ASIC2: variants seen among roughly 807,000 people sequenced by gnomAD.
ASIC2 encodes acid sensing ion channel subunit 2.
Under a neutral mutation model 57.3 loss-of-function variants are expected in ASIC2, and 25 were observed. The observed-to-expected ratio is 0.44, with a 90% confidence interval of 0.32 to 0.61. ASIC2 has a LOEUF of 0.61. Ranked by LOEUF, ASIC2 falls within the 20% of genes least tolerant of loss-of-function variation. The pLI is 0.06. For missense variants in ASIC2, 641 were observed against 738.1 expected, an observed-to-expected ratio of 0.87 and a Z score of 1.52; for synonymous variants, 319 against 307.5, an observed-to-expected ratio of 1.04 and a Z score of -0.39.
intron 1 of ASIC2, among the ~76,000 whole-genome samples, chr17:33,863,900 G>GTTT (rs1031021531): frequency 4.4e-4 from 32 of 72,484 alleles, no homozygotes; most frequent in Admixed American, 3.8e-3. Flanking sequence ...CTCTTTTTTT[G>GTTT]TTTTTTTTTT....
chr17:33,196,836 C>T (rs1422234030), intron 1 of ASIC2, among the ~76,000 whole-genome samples: 7 of 152,148 alleles, frequency 4.6e-5, no homozygotes, highest in African/African-American at 1.7e-4. Context: ...CTGACACCAC[C>T]AAGGGCTCCT....
intron 1 of ASIC2, among the ~76,000 whole-genome samples, chr17:33,427,011 T>C (rs568374132): frequency 7.7e-4 from 117 of 152,240 alleles, no homozygotes; most frequent in African/African-American, 2.7e-3. Context: ...GGGAAAAGAT[T>C]TGTATACTTG....
intron 3 of ASIC2, among the ~76,000 whole-genome samples, chr17:33,037,389 CTTTTTT>C (rs35286664): frequency 8.9e-5 from 11 of 123,822 alleles, no homozygotes; most frequent in Middle Eastern, 4.2e-3. Context: ...ACTTCCCCCT[CTTTTTT>C]TTTTTTTTTT....
At chr17:33,869,108 T>C (rs1914322318) in intron 1 of ASIC2, among the ~76,000 whole-genome samples, 1 of 152,062 alleles carries the variant, frequency 6.6e-6, no homozygotes, top group South Asian at 2.1e-4. Context: ...TATGAATAGA[T>C]AATCCTCCAA....
chr17:33,829,579 CT>C (rs34205959), intron 1 of ASIC2, among the ~76,000 whole-genome samples: 16,620 of 138,772 alleles, frequency 0.12, 879 homozygotes, highest in East Asian at 0.19. Context: ...TTAAACTTTT[CT>C]TTTTTTTTTT....
intron 1 of ASIC2, among the ~76,000 whole-genome samples, chr17:33,867,126 T>C (rs1597908534): frequency 6.6e-6 from 1 of 152,304 alleles, no homozygotes; most frequent in East Asian, 1.9e-4. Context: ...TATGGCATGG[T>C]ATATATGTGT....
At chr17:33,137,301 A>G (rs559239233) in intron 1 of ASIC2, among the ~76,000 whole-genome samples, 1 of 152,356 alleles carries the variant, frequency 6.6e-6, no homozygotes, top group Middle Eastern at 3.4e-3. Flanking sequence ...AACTTATCAG[A>G]GGCTTTATTA....
chr17:34,071,201 T>C (rs1431139430), intron 1 of ASIC2: 1 of 152,108 alleles, frequency 6.6e-6, no homozygotes, highest in African/African-American at 2.4e-5. Flanking sequence ...AGATAAGTGA[T>C]ATATCCAGGT....
chr17:33,684,542 AAAC>A (rs1908120421), intron 1 of ASIC2, among the ~76,000 whole-genome samples: 1 of 152,214 alleles, frequency 6.6e-6, no homozygotes, highest in Non-Finnish European at 1.5e-5. Flanking sequence ...AGTGCAGAAG[AAAC>A]AACTTTTTAA....
chr17:33,911,685 C>G (rs1026350580), intron 1 of ASIC2, among the ~76,000 whole-genome samples: 4 of 152,184 alleles, frequency 2.6e-5, no homozygotes, highest in African/African-American at 9.7e-5. Context: ...ACAGCAGACC[C>G]AGGAGTTTGC....
Position 33,178,854 on chromosome 17 carries a change from C to T in ASIC2, c.709-66787G>A, listed in dbSNP as rs940061594. ...ACTGCCAAATAGGATCCTGCATCCC[C>T]GACAGCCTCCCTGTAGCAGTGCCCA... On this transcript the variant is annotated intron_variant, in intron 1 of 9. Transcript: ENST00000225823. 2.6e-5 allele frequency among the ~76,000 whole-genome samples: 4 copies of T among 152,182 alleles called. No homozygotes were observed. The East Asian group carries it at 5.8e-4, about 22-fold the overall frequency.
intron 1 of ASIC2, among the ~76,000 whole-genome samples, chr17:33,270,718 CA>C (rs1904450986): frequency 6.6e-6 from 1 of 152,218 alleles, no homozygotes; most frequent in Admixed American, 6.5e-5. Flanking sequence ...CTAACCCTGA[CA>C]AAGGCTGGAT....
chr17:33,733,230 T>C (rs1039815756), intron 1 of ASIC2, among the ~76,000 whole-genome samples: 8 of 152,184 alleles, frequency 5.3e-5, no homozygotes, highest in Admixed American at 4.6e-4. Flanking sequence ...CTCCAGAGGA[T>C]CTTCTTGTCA....
intron 1 of ASIC2, among the ~76,000 whole-genome samples, chr17:33,357,294 A>G (rs1249269550): frequency 6.6e-6 from 1 of 152,120 alleles, no homozygotes; most frequent in Non-Finnish European, 1.5e-5. Flanking sequence ...GGGAGAGAAG[A>G]AGGACAGGTG....
intron 1 of ASIC2, among the ~76,000 whole-genome samples, chr17:34,035,111 A>G (rs375230824): frequency 2.7e-5 from 4 of 150,566 alleles, no homozygotes; most frequent in African/African-American, 7.5e-5. Flanking sequence ...TTCAAACTAT[A>G]CTACAAGTCT....
At chr17:33,845,059 A>G (rs945458779) in intron 1 of ASIC2, among the ~76,000 whole-genome samples, 1 of 152,240 alleles carries the variant, frequency 6.6e-6, no homozygotes, top group African/African-American at 2.4e-5. Context: ...TGAACAGATT[A>G]TGGGGGAAGC....
At chr17:33,025,024 C>A (rs2091853039) in intron 5 of ASIC2, among the ~76,000 whole-genome samples, 1 of 152,156 alleles carries the variant, frequency 6.6e-6, no homozygotes, top group Non-Finnish European at 1.5e-5. Flanking sequence ...GTGTTTCCAG[C>A]TACCCTGGGT....
rs1461330113 is a variant in ASIC2, at chr17:33,292,617, C to A, written c.-502G>T. On this transcript the variant is annotated 5_prime_UTR_variant, in exon 1 of 10. Coordinates refer to ENST00000225823, the MANE Select transcript of ASIC2 (RefSeq NM_183377.2). ...TGGACATCCCCAGGGACCCCACCAG[C>A]CCGGCCCGTAGCCCAGCGGTGCTGG... The A allele has an allele frequency of 2.0e-6, 2 of 985,516 alleles. No homozygotes were observed. Among genetic ancestry groups the A allele is most frequent in the African/African-American group, 3.5e-5 (2 of 57,256 alleles). 61.0% of individuals were successfully genotyped at this position (985,516 alleles called of 1,614,324 possible). A position where few individuals can be genotyped will look rare whatever the true frequency, so the allele number is the denominator to read the frequency against.
intron 3 of ASIC2, among the ~76,000 whole-genome samples, chr17:33,045,255 T>G (rs1343107956): frequency 6.6e-6 from 1 of 152,168 alleles, no homozygotes; most frequent in African/African-American, 2.4e-5. Context: ...ATCTGTGCCC[T>G]CCCTTCCTCT....
Sources: gnomAD v4.1 joint callset for allele counts (sites outside exome capture counted in the v4.1 genomes callset) on GRCh38, gnomAD v4.1.1 for gene constraint, MANE v1.5 for transcripts, NCBI Gene and HGNC (gene_info 2026-07-23, HGNC 2026-07-21) for gene names.